The following CRACD variants were observed in gnomAD, a reference collection of about 807,000 sequenced individuals.
CRACD encodes the protein capping protein-inhibiting regulator of actin dynamics.
Under a neutral mutation model 106.8 loss-of-function variants are expected in CRACD, and 56 were observed. That is an observed-to-expected ratio of 0.52 (90% CI 0.42 to 0.66). The LOEUF is 0.66. Among genes scored for constraint, CRACD ranks in the 30% least tolerant of loss-of-function variants. The pLI is 0.00. For missense variants in CRACD, 1,730 were observed against 1,623.2 expected (o/e 1.07, Z -1.13); for synonymous variants, 754 against 670.8 (o/e 1.12, Z -1.92).
intron 3 of CRACD, among the ~76,000 whole-genome samples, chr4:56,282,696 T>C (rs74823240): frequency 6.6e-6 from 1 of 152,160 alleles, no homozygotes; most frequent in Non-Finnish European, 1.5e-5. Context: ...TGTTCCCTCA[T>C]AGTCATCACA....
chr4:56,214,263 TA>T lies in CRACD; in HGVS notation c.-189+34842del, dbSNP rs925627437. 5.3e-5 allele frequency among the ~76,000 whole-genome samples: 8 copies of T among 151,248 alleles called. 1 individual carries two copies. Among genetic ancestry groups the T allele is most frequent in the East Asian group, 1.9e-4 (1 of 5,152 alleles). ...GGCTCTCTCAGATTTTTTTTGTAATTAAAAAAAAATAACAAACCTGCACATG... is the reference window on the plus strand; with the variant it reads ...GGCTCTCTCAGATTTTTTTTGTAATTAAAAAAAATAACAAACCTGCACATG... On this transcript the variant is annotated intron_variant, in intron 2 of 10. Coordinates refer to ENST00000682029, the MANE Select transcript of CRACD (RefSeq NM_001393381.1).
chr4:56,184,334 G>A (rs1289257549), intron 2 of CRACD, among the ~76,000 whole-genome samples: 6 of 152,212 alleles, frequency 3.9e-5, no homozygotes, highest in African/African-American at 1.2e-4. Context: ...GCCTCCCAAA[G>A]TGCTGGGTTT....
Position 56,316,674 on chromosome 4 carries a change from G to A in CRACD, c.3172G>A (p.Glu1058Lys), listed in dbSNP as rs1391582872. Residue 1058 changes from glutamate to lysine, a missense_variant, in exon 8 of 11, where the codon GAG (glutamate) becomes AAG (lysine). Physicochemically the swap from Glu to Lys is moderately conservative, Grantham distance 56. This residue lies in a region of CRACD where 1,620 missense variants were observed against 1,481.6 expected (regional missense o/e 1.09). Transcript: ENST00000682029. ...GCAAGAGAAACCTTCTCAAACACCCGAGGCCGGGAGGAAAGGTAGGTAGCT... is the reference window on the plus strand; with the variant it reads ...GCAAGAGAAACCTTCTCAAACACCCAAGGCCGGGAGGAAAGGTAGGTAGCT... ...TQQEKPSQTP[E>K]AGRKEKPMLQ... 4 of 1,608,004 alleles carry A rather than the reference G, an allele frequency of 2.5e-6. No individual in the cohort carries two copies. Among genetic ancestry groups the A allele is most frequent in the African/African-American group, 1.3e-5 (1 of 74,822 alleles).
At chr4:56,321,141 T>A (rs1746074892) in intron 8 of CRACD, 1 of 215,720 alleles carries the variant, frequency 4.6e-6, no homozygotes, top group Non-Finnish European at 9.8e-6. Context: ...ATTGGTAGAT[T>A]TCTGCTGGTC....
chr4:56,058,217 G>A (rs1732154429), intron 1 of CRACD, among the ~76,000 whole-genome samples: 1 of 152,084 alleles, frequency 6.6e-6, no homozygotes, highest in African/African-American at 2.4e-5. Context: ...TTATAGTTGT[G>A]TGCCACCACG....
intron 1 of CRACD, among the ~76,000 whole-genome samples, chr4:56,143,005 T>C (rs970623752): frequency 6.6e-6 from 1 of 152,000 alleles, no homozygotes; most frequent in African/African-American, 2.4e-5. Context: ...TTCAAATTTT[T>C]TTTTTTTACA....
intron 1 of CRACD, among the ~76,000 whole-genome samples, chr4:56,104,122 C>T (rs910694892): frequency 5.3e-5 from 8 of 152,196 alleles, no homozygotes; most frequent in South Asian, 2.1e-4. Flanking sequence ...ATTGTCTTCG[C>T]GCAGTAGCTC....
intron 1 of CRACD, among the ~76,000 whole-genome samples, chr4:56,070,578 T>TGC (rs1732611971): frequency 1.3e-5 from 2 of 152,008 alleles, no homozygotes; most frequent in South Asian, 4.1e-4. Flanking sequence ...TGAGCCACCT[T>TGC]GCCCGGCCCG....
At position 56,323,534 on chromosome 4, in the gene CRACD, G is replaced by T; in HGVS notation, c.3345G>T (p.Glu1115Asp). ...ATREERKQAR[E>D]AKQAEKLSKE... is the part of the protein sequence containing the mutation. ...GGGAGGAGAGAAAGCAAGCCAGAGA[G>T]GCCAAACAGGCAGAAAAGCTCTCCA... Residue 1115 changes from glutamate to aspartate, a missense_variant, in exon 9 of 11, where the codon GAG (glutamate) becomes GAT (aspartate). Coordinates refer to ENST00000682029, the MANE Select transcript of CRACD (RefSeq NM_001393381.1). 1 of 1,589,810 alleles carries T rather than the reference G, an allele frequency of 6.3e-7. No homozygotes were observed. The highest frequency in any genetic ancestry group is 8.5e-7 in the Non-Finnish European group (1 of 1,173,856).
intron 1 of CRACD, among the ~76,000 whole-genome samples, chr4:56,079,855 G>C (rs1305003097): frequency 1.3e-5 from 2 of 152,178 alleles, no homozygotes; most frequent in African/African-American, 4.8e-5. Context: ...CGGAAGGCAA[G>C]TGTAGGTTTA....
intron 1 of CRACD, among the ~76,000 whole-genome samples, chr4:56,158,527 G>A (rs753972325): frequency 6.4e-4 from 97 of 152,116 alleles, no homozygotes; most frequent in Non-Finnish European, 9.8e-4. Flanking sequence ...TGTAATTATT[G>A]CACCTCAATT....
intron 1 of CRACD, among the ~76,000 whole-genome samples, chr4:56,067,999 G>A (rs534063095): frequency 5.3e-5 from 8 of 152,090 alleles, no homozygotes; most frequent in South Asian, 4.1e-4. Flanking sequence ...CCTTGCCCTC[G>A]TGGAGCTCAC....
At chr4:56,167,355 C>T (rs901861326) in intron 1 of CRACD, among the ~76,000 whole-genome samples, 2 of 152,090 alleles carry the variant, frequency 1.3e-5, no homozygotes, top group South Asian at 4.2e-4. Flanking sequence ...CTGGATATTG[C>T]CAAATTATAA....
chr4:56,136,856 A>C (rs1317980412), intron 1 of CRACD, among the ~76,000 whole-genome samples: 1 of 152,082 alleles, frequency 6.6e-6, no homozygotes, highest in East Asian at 1.9e-4. Flanking sequence ...TTTCTTCTAC[A>C]TTTTTTCTAG....
chr4:56,131,911 T>C (rs1734836888), intron 1 of CRACD, among the ~76,000 whole-genome samples: 1 of 152,234 alleles, frequency 6.6e-6, no homozygotes, highest in East Asian at 1.9e-4. Flanking sequence ...ATTATAAATA[T>C]TGATACTTTG....
At chr4:56,292,718 G>A (rs560210715) in intron 3 of CRACD, among the ~76,000 whole-genome samples, 250 of 152,186 alleles carry the variant, frequency 1.6e-3, no homozygotes, top group Non-Finnish European at 2.8e-3. Context: ...TAGAGACAGG[G>A]TTTCACCGTG....
intron 1 of CRACD, among the ~76,000 whole-genome samples, chr4:56,118,403 C>T (rs761036914): frequency 6.6e-6 from 1 of 152,158 alleles, no homozygotes; most frequent in Non-Finnish European, 1.5e-5. Flanking sequence ...TTTCAATAAT[C>T]CTACAAATCT....
intron 2 of CRACD, among the ~76,000 whole-genome samples, chr4:56,186,934 C>T (rs191611131): frequency 2.0e-5 from 3 of 152,012 alleles, no homozygotes; most frequent in Admixed American, 6.6e-5. Flanking sequence ...GGCATGATGG[C>T]GCACCCCTGT....
chr4:56,320,275 T>TAGAA (rs1553921713), intron 8 of CRACD, among the ~76,000 whole-genome samples: 1 of 152,180 alleles, frequency 6.6e-6, no homozygotes, highest in Non-Finnish European at 1.5e-5. Flanking sequence ...GAGTAGTGAC[T>TAGAA]AGAACCCTGT....
Sources: allele counts gnomAD v4.1 joint callset (sites outside exome capture counted in the v4.1 genomes callset), GRCh38; gene constraint gnomAD v4.1.1; regional missense constraint gnomAD v4.1.1; transcripts MANE v1.5; gene names NCBI Gene and HGNC (gene_info 2026-07-23, HGNC 2026-07-21).